Variants in CNTNAP2 observed in about 807,000 individuals in gnomAD.
CNTNAP2 encodes contactin-associated protein-like 2.
Under a neutral mutation model 155.2 loss-of-function variants are expected in CNTNAP2, and 98 were observed. That is an observed-to-expected ratio of 0.63 (90% CI 0.54 to 0.75). The LOEUF is 0.75. Among genes scored for constraint, CNTNAP2 ranks in the 30% least tolerant of loss-of-function variants. The probability of loss-of-function intolerance (pLI) is 0.00; values close to 1 mark genes in which losing one functional copy is unlikely to be tolerated. For missense variants in CNTNAP2, 1,727 were observed against 1,688.1 expected, an observed-to-expected ratio of 1.02 and a Z score of -0.40; for synonymous variants, 651 against 631.2, an observed-to-expected ratio of 1.03 and a Z score of -0.47.
At chr7:147,111,909 A>T (rs1302686027) in intron 5 of CNTNAP2, among the ~76,000 whole-genome samples, 1 of 152,186 alleles carries the variant, frequency 6.6e-6, no homozygotes, top group Non-Finnish European at 1.5e-5. Context: ...AAGAATGGTC[A>T]ATGGTAGTTT....
intron 3 of CNTNAP2, among the ~76,000 whole-genome samples, chr7:146,933,918 A>C (rs902351054): frequency 6.6e-6 from 1 of 151,634 alleles, no homozygotes; most frequent in Non-Finnish European, 1.5e-5. Context: ...TTAGAATGGC[A>C]ATCATTAAAA....
rs759501543 is a variant in CNTNAP2 at position 148,118,201 on chromosome 7, A to T, written c.2467A>T (p.Ile823Phe). 6.2e-7 allele frequency: 1 copy of T among 1,614,146 alleles called. No individual in the cohort carries two copies. The highest frequency in any genetic ancestry group is 8.5e-7 in the Non-Finnish European group (1 of 1,180,018). ...TTTCCAAGGGGAAACTAGCGCTGAC[A>T]TTTCTTTCTACTTCAAAACATTAAC... ...STFQGETSAD[I>F]SFYFKTLTPW... The change falls in exon 16 of 24, where the codon ATT becomes TTT. Residue 823 changes from isoleucine to phenylalanine, a missense_variant. Coordinates refer to ENST00000361727, the MANE Select transcript of CNTNAP2 (RefSeq NM_014141.6).
intron 1 of CNTNAP2, among the ~76,000 whole-genome samples, chr7:146,469,404 C>T (rs1424976229): frequency 6.6e-6 from 1 of 151,892 alleles, no homozygotes; most frequent in African/African-American, 2.4e-5. Flanking sequence ...AGTGCCACTG[C>T]CCAGTTAAAG....
At chr7:146,549,599 G>C (rs1169798204) in intron 1 of CNTNAP2, among the ~76,000 whole-genome samples, 1 of 151,966 alleles carries the variant, frequency 6.6e-6, no homozygotes, top group Non-Finnish European at 1.5e-5. Context: ...TAAGGGCTAT[G>C]ACAAAAATTA....
chr7:148,177,129 C>T (rs138002079), intron 18 of CNTNAP2, among the ~76,000 whole-genome samples: 4 of 152,252 alleles, frequency 2.6e-5, no homozygotes, highest in South Asian at 2.1e-4. Flanking sequence ...GTTTACTTTT[C>T]GTGGTTGAAT....
At chr7:146,588,522 T>A (rs965519232) in intron 1 of CNTNAP2, among the ~76,000 whole-genome samples, 36 of 139,534 alleles carry the variant, frequency 2.6e-4, no homozygotes, top group African/African-American at 8.2e-4. Context: ...ATATGTATTT[T>A]TTTTTTTTTA....
intron 17 of CNTNAP2, among the ~76,000 whole-genome samples, chr7:148,166,103 C>T (rs1805653353): frequency 1.3e-5 from 2 of 151,980 alleles, no homozygotes; most frequent in Admixed American, 1.3e-4. Flanking sequence ...GCCTCCCCCA[C>T]CCCACTCCAA....
At chr7:147,703,248 A>ACT (rs1796262877) in intron 13 of CNTNAP2, among the ~76,000 whole-genome samples, 1 of 152,152 alleles carries the variant, frequency 6.6e-6, no homozygotes, top group African/African-American at 2.4e-5. Context: ...TGACAACTAA[A>ACT]GCAAGTGGCC....
At chr7:147,362,697 T>TG in intron 9 of CNTNAP2, among the ~76,000 whole-genome samples, 1 of 152,138 alleles carries the variant, frequency 6.6e-6, no homozygotes, top group African/African-American at 2.4e-5. Flanking sequence ...TGCATATCTG[T>TG]GTCCCTTCAA....
chr7:146,864,371 C>A (rs1293182353), intron 3 of CNTNAP2, among the ~76,000 whole-genome samples: 3 of 152,038 alleles, frequency 2.0e-5, no homozygotes, highest in Non-Finnish European at 4.4e-5. Flanking sequence ...TTGACTAAAT[C>A]TGACATTCAT....
chr7:147,302,012 A>T (rs998567041), intron 9 of CNTNAP2, among the ~76,000 whole-genome samples: 22 of 152,210 alleles, frequency 1.4e-4, no homozygotes, highest in Non-Finnish European at 2.2e-4. Flanking sequence ...AGTTAAGACT[A>T]CATGATTTTT....
chr7:146,831,840 T>G (rs936002425), intron 2 of CNTNAP2, among the ~76,000 whole-genome samples: 5 of 152,120 alleles, frequency 3.3e-5, no homozygotes, highest in Non-Finnish European at 5.9e-5. Context: ...AACAGTACTA[T>G]TTTCCTGTCA....
At chr7:146,448,082 T>C (rs541282405) in intron 1 of CNTNAP2, among the ~76,000 whole-genome samples, 1 of 152,138 alleles carries the variant, frequency 6.6e-6, no homozygotes, top group African/African-American at 2.4e-5. Context: ...AGTATGTAAC[T>C]TGAAATAGCA....
intron 2 of CNTNAP2, among the ~76,000 whole-genome samples, chr7:146,816,161 T>C (rs182890593): frequency 6.6e-6 from 1 of 152,276 alleles, no homozygotes; most frequent in Non-Finnish European, 1.5e-5. Flanking sequence ...CAGTCTATCA[T>C]TGATAGACAT....
intron 12 of CNTNAP2, among the ~76,000 whole-genome samples, chr7:147,615,832 C>A (rs139995310): frequency 2.8e-4 from 43 of 152,148 alleles, no homozygotes; most frequent in African/African-American, 1.0e-3. Context: ...TTAATTTAGT[C>A]CTCATTTTAC....
At chr7:146,283,463 GCTCAAATCATCTTCCCACCTCAGC>G (rs1244470556) in intron 1 of CNTNAP2, among the ~76,000 whole-genome samples, 10 of 152,002 alleles carry the variant, frequency 6.6e-5, no homozygotes, top group Non-Finnish European at 1.3e-4. Flanking sequence ...AACCTCCCAG[GCTCAAATCATCTTCCCACCTCAGC>G]CTCCCGAGTA....
At chr7:146,795,064 G>T (rs767536129) in intron 2 of CNTNAP2, among the ~76,000 whole-genome samples, 4 of 151,956 alleles carry the variant, frequency 2.6e-5, no homozygotes, top group Non-Finnish European at 4.4e-5. Context: ...AAAATTTAAA[G>T]AAAAAACGCT....
chr7:147,599,196 G>C (rs559860391), intron 12 of CNTNAP2, among the ~76,000 whole-genome samples: 4 of 152,128 alleles, frequency 2.6e-5, no homozygotes, highest in Middle Eastern at 3.4e-3. Flanking sequence ...TGTACCATTG[G>C]TCAAGAGCAG....
intron 13 of CNTNAP2, among the ~76,000 whole-genome samples, chr7:147,765,493 A>G (rs1437725107): frequency 6.6e-6 from 1 of 152,214 alleles, no homozygotes; most frequent in African/African-American, 2.4e-5. Context: ...ACTCAGTGTC[A>G]TGAGTCAGCA....
Sources: gnomAD v4.1 joint callset for allele counts (sites outside exome capture counted in the v4.1 genomes callset) on GRCh38, gnomAD v4.1.1 for gene constraint, MANE v1.5 for transcripts, NCBI Gene and HGNC (gene_info 2026-07-23, HGNC 2026-07-21) for gene names.